The following CAPZA2 variants were observed in gnomAD, a reference collection of about 807,000 sequenced individuals.
CAPZA2 encodes F-actin-capping protein subunit alpha-2.
CAPZA2 carries 13 observed loss-of-function variants against 44.0 expected under a neutral mutation model. The ratio of observed to expected loss-of-function variants is 0.30; its 90% CI spans 0.19 to 0.47. CAPZA2 has a LOEUF of 0.47. Among genes scored for constraint, CAPZA2 ranks in the 20% least tolerant of loss-of-function variants. CAPZA2 has a pLI of 1.00. For synonymous variants in CAPZA2, 94 were observed against 108.2 expected, an observed-to-expected ratio of 0.87 and a Z score of 0.81; for missense variants, 244 against 338.6, an observed-to-expected ratio of 0.72 and a Z score of 2.19.
chr7:116,906,385 T>C (rs1403427756), intron 6 of CAPZA2, 43 bp downstream of exon 6: 1 of 1,601,328 alleles, frequency 6.2e-7, no homozygotes, highest in Non-Finnish European at 8.5e-7. Flanking sequence ...GGCATTGTTT[T>C]AAGTCTTTGT....
intron 9 of CAPZA2, 104 bp from the exon 10 acceptor site, chr7:116,917,623 G>T: frequency 2.4e-6 from 2 of 836,994 alleles, no homozygotes; most frequent in Admixed American, 3.7e-5. Context: ...TAAAAACAGT[G>T]AAACAGGCTG....
chr7:116,915,966 T>G lies in CAPZA2; in HGVS notation c.658-94T>G. ...TATGTCATAATTTCCTTCTGTGTTA[T>G]TTATTATAACATTACATTAACCATA... On this transcript the variant is annotated intron_variant, in intron 8 of 9. Coordinates refer to ENST00000361183, the MANE Select transcript of CAPZA2 (RefSeq NM_006136.3). 2 of 849,336 alleles carry G rather than the reference T, an allele frequency of 2.4e-6. 1 individual carries two copies. The highest frequency in any genetic ancestry group is 3.4e-6 in the Non-Finnish European group (2 of 584,246). The allele number at this position is 849,336 out of a possible 1,614,324, so 52.6% of individuals were successfully genotyped here.
chr7:116,904,135 C>G, intron 4 of CAPZA2, 42 bp from the exon 5 acceptor site: 1 of 1,216,696 alleles, frequency 8.2e-7, no homozygotes, highest in Non-Finnish European at 1.2e-6. Context: ...TATTGAAATG[C>G]TGTTTTTTTA....
At chr7:116,866,106 G>C (rs965726993) in intron 1 of CAPZA2, among the ~76,000 whole-genome samples, 1 of 152,002 alleles carries the variant, frequency 6.6e-6, no homozygotes, top group African/African-American at 2.4e-5. Context: ...TTGGCCACTG[G>C]GTGAATGGGA....
chr7:116,895,723 A>C (rs938458363), intron 3 of CAPZA2, among the ~76,000 whole-genome samples: 2 of 152,050 alleles, frequency 1.3e-5, no homozygotes, highest in Non-Finnish European at 2.9e-5. Context: ...AATTTCTCAA[A>C]ACTCTCCATT....
At position 116,921,013 on chromosome 7, in the gene CAPZA2, G is replaced by C. The variant is rs1348246051; in HGVS notation, c.*3146G>C. The C allele has an allele frequency of 6.6e-6, 1 of 152,322 alleles. No individual in the cohort carries two copies. Among genetic ancestry groups the C allele is most frequent in the Non-Finnish European group, 1.5e-5 (1 of 68,168 alleles). 9.4% of individuals were successfully genotyped at this position (152,322 alleles called of 1,614,324 possible). ...AGCAGGGAAGTGAGGGCTTGAGACG[G>C]GGGGAGGGATAGTGAAAATGTACAA... On this transcript the variant is annotated 3_prime_UTR_variant, in exon 10 of 10. Transcript: ENST00000361183.
chr7:116,914,186 C>T (rs986042639), intron 8 of CAPZA2, among the ~76,000 whole-genome samples: 1 of 151,588 alleles, frequency 6.6e-6, no homozygotes. Flanking sequence ...CACTACCACA[C>T]CCGGCTAATT....
chr7:116,897,514 A>G (rs1796943594), intron 3 of CAPZA2, among the ~76,000 whole-genome samples: 1 of 152,128 alleles, frequency 6.6e-6, no homozygotes, highest in African/African-American at 2.4e-5. Flanking sequence ...TCCTTTCTAG[A>G]GGAGACTCAG....
intron 1 of CAPZA2, among the ~76,000 whole-genome samples, chr7:116,884,032 CCTT>C (rs150545003): frequency 6.6e-6 from 1 of 152,162 alleles, no homozygotes; most frequent in Non-Finnish European, 1.5e-5. Context: ...CCTAACAACT[CCTT>C]CTCTCAATAG....
At chr7:116,890,555 T>C (rs1562959961) in intron 2 of CAPZA2, among the ~76,000 whole-genome samples, 1 of 11,586 alleles carries the variant, frequency 8.6e-5, no homozygotes, top group African/African-American at 3.7e-4. Flanking sequence ...TATATATATA[T>C]ATATATATAT....
chr7:116,875,568 A>G (rs907011313), intron 1 of CAPZA2: 4 of 151,112 alleles, frequency 2.6e-5, no homozygotes, highest in Non-Finnish European at 5.9e-5. Flanking sequence ...TGTTTTTGAG[A>G]CAGGGTCTTG....
At chr7:116,896,706 C>T (rs1175937041) in intron 3 of CAPZA2, among the ~76,000 whole-genome samples, 1 of 152,044 alleles carries the variant, frequency 6.6e-6, no homozygotes, top group Non-Finnish European at 1.5e-5. Flanking sequence ...TCTGCAAGAG[C>T]AGGGAGAACA....
At chr7:116,901,204 T>C (rs1327806818) in intron 4 of CAPZA2, among the ~76,000 whole-genome samples, 1 of 152,062 alleles carries the variant, frequency 6.6e-6, no homozygotes, top group African/African-American at 2.4e-5. Flanking sequence ...AGAAACATGC[T>C]CACATATGTT....
In CAPZA2 at chr7:116,899,292, AT is replaced by A. The variant is rs542175801; in HGVS notation, c.219+467del. ...AGAAAAGCCACAAAAGGTCACTAGCATTTTTTTTTTATTTAGAGTTTCTAAT... is the reference window on the plus strand; with the variant it reads ...AGAAAAGCCACAAAAGGTCACTAGCATTTTTTTTTATTTAGAGTTTCTAAT... On this transcript the variant is annotated intron_variant, in intron 4 of 9. Coordinates refer to ENST00000361183, the MANE Select transcript of CAPZA2 (RefSeq NM_006136.3). 1.3e-4 allele frequency among the ~76,000 whole-genome samples: 19 copies of A among 149,164 alleles called. No individual in the cohort carries two copies. The South Asian group carries it at 1.9e-3, about 15-fold the overall frequency.
intron 6 of CAPZA2, 119 bp downstream of exon 6, chr7:116,906,461 T>G (rs180868967): frequency 1.1e-5 from 15 of 1,425,310 alleles, no homozygotes; most frequent in Non-Finnish European, 9.2e-7. Flanking sequence ...TTAGAGATGG[T>G]ATAAAATTTT....
chr7:116,901,658 T>TA (rs781295683), intron 4 of CAPZA2, among the ~76,000 whole-genome samples: 41 of 152,032 alleles, frequency 2.7e-4, no homozygotes, highest in Non-Finnish European at 3.2e-4. Flanking sequence ...CCTGAACTGT[T>TA]AAGAAAGAAA....
In CAPZA2 at chr7:116,921,675, CTG is replaced by C; in HGVS notation, c.*3810_*3811del. ...GCAGCCTGGGTGACAGGGTGAGAGT[CTG>C]TCTCAAAAAAAGAAAAAGGAAATGT... On this transcript the variant is annotated 3_prime_UTR_variant, in exon 10 of 10. Transcript: ENST00000361183. 1 of 152,050 alleles carries C rather than the reference CTG, an allele frequency of 6.6e-6. No homozygotes were observed. Among genetic ancestry groups the C allele is most frequent in the East Asian group, 1.9e-4 (1 of 5,192 alleles). 9.4% of individuals were successfully genotyped at this position (152,050 alleles called of 1,614,324 possible). A position where few individuals can be genotyped will look rare whatever the true frequency, so the allele number is the denominator to read the frequency against.
chr7:116,885,113 A>G (rs1446454500), intron 1 of CAPZA2, among the ~76,000 whole-genome samples: 4 of 152,160 alleles, frequency 2.6e-5, no homozygotes, highest in Non-Finnish European at 5.9e-5. Context: ...GGTACTTTAT[A>G]TATTCTGAAT....
chr7:116,871,563 G>A (rs1310515161), intron 1 of CAPZA2, among the ~76,000 whole-genome samples: 1 of 152,148 alleles, frequency 6.6e-6, no homozygotes, highest in Non-Finnish European at 1.5e-5. Flanking sequence ...AGCAAGGAGT[G>A]GAGAGACATA....
Sources: gnomAD v4.1 joint callset for allele counts (sites outside exome capture counted in the v4.1 genomes callset) on GRCh38, gnomAD v4.1.1 for gene constraint, MANE v1.5 for transcripts, NCBI Gene and HGNC (gene_info 2026-07-23, HGNC 2026-07-21) for gene names.